Variants in SUCLG2 observed in about 807,000 individuals in gnomAD.
SUCLG2 encodes succinate--CoA ligase [GDP-forming] subunit beta, mitochondrial.
In SUCLG2, 42 loss-of-function variants were observed where a neutral mutation model predicts 47.9. That is an observed-to-expected ratio of 0.88 (90% CI 0.69 to 1.14). The LOEUF (loss-of-function observed/expected upper bound fraction) is 1.14. SUCLG2 is among the 50% of genes most tolerant of loss of function. The probability of loss-of-function intolerance (pLI) is 0.00; values close to 1 mark genes in which losing one functional copy is unlikely to be tolerated. For synonymous variants in SUCLG2, 195 were observed against 197.3 expected, an observed-to-expected ratio of 0.99 and a Z score of 0.10; for missense variants, 571 against 525.9, an observed-to-expected ratio of 1.09 and a Z score of -0.84.
chr3:67,411,643 T>C (rs115686974), intron 9 of SUCLG2, among the ~76,000 whole-genome samples: 2,110 of 152,310 alleles, frequency 0.014, 22 homozygotes, highest in Non-Finnish European at 0.023. Context: ...ATCTCACTAG[T>C]ATATTTGTGA....
chr3:67,480,338 C>A (rs972747303), intron 9 of SUCLG2, among the ~76,000 whole-genome samples: 2 of 152,224 alleles, frequency 1.3e-5, no homozygotes, highest in African/African-American at 4.8e-5. Context: ...CGAGAATCAT[C>A]TAGAAGGCTT....
intron 9 of SUCLG2, among the ~76,000 whole-genome samples, chr3:67,437,610 G>A (rs1703655235): frequency 6.6e-6 from 1 of 151,988 alleles, no homozygotes; most frequent in African/African-American, 2.4e-5. Context: ...TGGCTGTAGA[G>A]AGGCTGGCTT....
chr3:67,432,220 C>T (rs928500711), intron 9 of SUCLG2, among the ~76,000 whole-genome samples: 1 of 152,188 alleles, frequency 6.6e-6, no homozygotes, highest in Non-Finnish European at 1.5e-5. Flanking sequence ...CAGTGGGTTG[C>T]TAGGCATTGT....
At chr3:67,455,348 G>A (rs1376304339) in intron 9 of SUCLG2, among the ~76,000 whole-genome samples, 7 of 152,230 alleles carry the variant, frequency 4.6e-5, no homozygotes, top group South Asian at 4.1e-4. Flanking sequence ...CACATCAGGC[G>A]TTATTTCACT....
intron 2 of SUCLG2, among the ~76,000 whole-genome samples, chr3:67,583,607 T>A (rs1559582498): frequency 6.6e-6 from 1 of 152,206 alleles, no homozygotes; most frequent in Non-Finnish European, 1.5e-5. Flanking sequence ...ATTTTCTGTT[T>A]AGAGTCTCAC....
At chr3:67,509,397 G>C (rs1705725764) in intron 6 of SUCLG2, among the ~76,000 whole-genome samples, 1 of 151,632 alleles carries the variant, frequency 6.6e-6, no homozygotes, top group South Asian at 2.1e-4. Context: ...AAAACAGGAA[G>C]ATGAAAGTGC....
intron 6 of SUCLG2, among the ~76,000 whole-genome samples, chr3:67,516,328 T>G (rs558920808): frequency 1.3e-4 from 20 of 152,276 alleles, no homozygotes; most frequent in African/African-American, 4.3e-4. Context: ...AAACCTAGAG[T>G]GTTTCAGGTA....
At chr3:67,405,543 T>C (rs929356154) in intron 9 of SUCLG2, among the ~76,000 whole-genome samples, 5 of 152,222 alleles carry the variant, frequency 3.3e-5, no homozygotes, top group Admixed American at 1.3e-4. Context: ...TTAAGTCCCA[T>C]GGCTACCCTG....
intron 2 of SUCLG2, among the ~76,000 whole-genome samples, chr3:67,602,715 G>C (rs141677956): frequency 6.6e-6 from 1 of 152,180 alleles, no homozygotes; most frequent in African/African-American, 2.4e-5. Context: ...CTCCTTTAAG[G>C]AGCATTTGCA....
intron 7 of SUCLG2, among the ~76,000 whole-genome samples, chr3:67,503,606 T>C (rs921186608): frequency 3.9e-5 from 6 of 152,166 alleles, no homozygotes; most frequent in African/African-American, 1.2e-4. Flanking sequence ...GACCTTAAGA[T>C]TGTCAACGTC....
intron 2 of SUCLG2, among the ~76,000 whole-genome samples, chr3:67,591,160 T>G (rs1036989649): frequency 2.6e-5 from 4 of 152,202 alleles, no homozygotes; most frequent in Non-Finnish European, 5.9e-5. Flanking sequence ...TCTCTGGCTG[T>G]CTGTCTAGAA....
At chr3:67,453,842 C>T (rs114727587) in intron 9 of SUCLG2, among the ~76,000 whole-genome samples, 327 of 152,284 alleles carry the variant, frequency 2.1e-3, no homozygotes, top group Non-Finnish European at 3.8e-3. Context: ...ATGTGACCAT[C>T]CAGTTGAAAC....
chr3:67,636,353 CTTT>C (rs373165988), intron 1 of SUCLG2, among the ~76,000 whole-genome samples: 5 of 137,950 alleles, frequency 3.6e-5, no homozygotes, highest in African/African-American at 5.3e-5. Flanking sequence ...AGGCAGAATC[CTTT>C]TTTTTTTTTT....
intron 10 of SUCLG2, chr3:67,376,540 A>C: frequency 1.0e-6 from 1 of 957,568 alleles, no homozygotes; most frequent in Non-Finnish European, 1.2e-6. Flanking sequence ...TAAGTGTCTA[A>C]TGAAATATCT....
chr3:67,609,670 G>T, intron 1 of SUCLG2, 74 bp from the exon 2 acceptor site: 1 of 1,436,910 alleles, frequency 7.0e-7, no homozygotes, highest in Non-Finnish European at 9.4e-7. Flanking sequence ...TACATGGCCA[G>T]TCTTAGAGGT....
At chr3:67,433,325 C>T (rs571596762) in intron 9 of SUCLG2, among the ~76,000 whole-genome samples, 1 of 152,286 alleles carries the variant, frequency 6.6e-6, no homozygotes, top group Admixed American at 6.5e-5. Context: ...GCTAAATATG[C>T]TACTGGTTTA....
chr3:67,605,327 GCTTTGCTCTCTCC>G (rs1364410652), intron 2 of SUCLG2, among the ~76,000 whole-genome samples: 19 of 152,248 alleles, frequency 1.2e-4, no homozygotes, highest in Non-Finnish European at 2.2e-4. Flanking sequence ...GATTCTTCTT[GCTTTGCTCTCTCC>G]AGGTAATCTC....
intron 2 of SUCLG2, among the ~76,000 whole-genome samples, chr3:67,592,837 C>T (rs1245424279): frequency 6.6e-6 from 1 of 151,800 alleles, no homozygotes; most frequent in African/African-American, 2.4e-5. Context: ...TGTCACCTCA[C>T]GATACTGTAT....
chr3:67,449,326 G>A (rs1251294181), intron 9 of SUCLG2, among the ~76,000 whole-genome samples: 1 of 152,198 alleles, frequency 6.6e-6, no homozygotes, highest in African/African-American at 2.4e-5. Context: ...ATAGGCTTGT[G>A]AAGAAAATCT....
Sources: allele counts gnomAD v4.1 joint callset (sites outside exome capture counted in the v4.1 genomes callset), GRCh38; gene constraint gnomAD v4.1.1; transcripts MANE v1.5; gene names NCBI Gene and HGNC (gene_info 2026-07-23, HGNC 2026-07-21).